The following MYRIP variants were observed in gnomAD, a reference collection of about 807,000 sequenced individuals.
MYRIP encodes the protein myosin VIIA and Rab interacting protein, also known as rab effector MyRIP.
MYRIP carries 49 observed loss-of-function variants against 98.0 expected under a neutral mutation model. The observed-to-expected ratio is 0.50, with a 90% CI of 0.40 to 0.63. MYRIP has a LOEUF of 0.63. Ranked by LOEUF, MYRIP falls within the 30% of genes least tolerant of loss-of-function variation. The probability of loss-of-function intolerance (pLI) is 0.00; values close to 1 mark genes in which losing one functional copy is unlikely to be tolerated. For synonymous variants in MYRIP, 404 were observed against 409.5 expected, an observed-to-expected ratio of 0.99 and a Z score of 0.16; for missense variants, 1,004 against 1,058.2, an observed-to-expected ratio of 0.95 and a Z score of 0.71.
intron 3 of MYRIP, among the ~76,000 whole-genome samples, chr3:40,051,126 C>A (rs912135579): frequency 1.2e-4 from 18 of 152,280 alleles, no homozygotes; most frequent in African/African-American, 3.8e-4. Context: ...TTGACTTCAA[C>A]TTTGAAAAAT....
At chr3:39,912,214 C>T (rs1944039135) in intron 2 of MYRIP, among the ~76,000 whole-genome samples, 1 of 152,134 alleles carries the variant, frequency 6.6e-6, no homozygotes, top group South Asian at 2.1e-4. Context: ...CTGGCTAATT[C>T]TTATACCTCA....
chr3:40,032,151 C>G (rs1459055627), intron 2 of MYRIP, among the ~76,000 whole-genome samples: 3 of 152,064 alleles, frequency 2.0e-5, no homozygotes, highest in Non-Finnish European at 2.9e-5. Context: ...CCTCTACACA[C>G]TGCTTTGAAT....
intron 1 of MYRIP, among the ~76,000 whole-genome samples, chr3:39,880,659 A>G (rs1445251839): frequency 3.3e-5 from 5 of 152,234 alleles, no homozygotes; most frequent in Non-Finnish European, 7.3e-5. Context: ...ATCTGCAAAT[A>G]ATAATTCTTT....
At chr3:39,810,168 C>T (rs1940622531) in intron 1 of MYRIP, among the ~76,000 whole-genome samples, 1 of 152,210 alleles carries the variant, frequency 6.6e-6, no homozygotes, top group Non-Finnish European at 1.5e-5. Flanking sequence ...TCTCTCGCTG[C>T]TGGGGTGGGA....
chr3:39,910,093 G>A (rs11720029), intron 2 of MYRIP, among the ~76,000 whole-genome samples: 21,207 of 151,982 alleles, frequency 0.14, 1,545 homozygotes, highest in Middle Eastern at 0.17. Flanking sequence ...ATTTCATCAT[G>A]TTGGTCAGGC....
At chr3:39,953,905 C>CT (rs1945090442) in intron 2 of MYRIP, among the ~76,000 whole-genome samples, 2 of 152,176 alleles carry the variant, frequency 1.3e-5, no homozygotes, top group Non-Finnish European at 2.9e-5. Context: ...TGGAGTCTCG[C>CT]TTACTGCTAG....
intron 11 of MYRIP, among the ~76,000 whole-genome samples, chr3:40,219,101 G>T (rs1052231068): frequency 2.0e-5 from 3 of 152,090 alleles, no homozygotes; most frequent in African/African-American, 7.2e-5. Context: ...AAATTATGTA[G>T]CACATGCTGG....
chr3:39,914,944 TG>T (rs1944117318), intron 2 of MYRIP, among the ~76,000 whole-genome samples: 2 of 152,086 alleles, frequency 1.3e-5, no homozygotes, highest in African/African-American at 4.8e-5. Context: ...CTTTGCAGCA[TG>T]ACACTTAGAT....
intron 1 of MYRIP, among the ~76,000 whole-genome samples, chr3:39,881,720 AC>A (rs1943159293): frequency 6.6e-6 from 1 of 152,016 alleles, no homozygotes; most frequent in South Asian, 2.1e-4. Flanking sequence ...TTTTTGGAGG[AC>A]CCTGGTGACT....
At chr3:39,810,047 C>G (rs940785924) in intron 1 of MYRIP, 131 bp downstream of exon 1, 1 of 152,382 alleles carries the variant, frequency 6.6e-6, no homozygotes, top group Non-Finnish European at 1.5e-5. Context: ...GCACCCTGTG[C>G]GCGTCCGGAG....
chr3:40,180,252 T>A (rs1950854405), intron 8 of MYRIP, among the ~76,000 whole-genome samples: 1 of 152,108 alleles, frequency 6.6e-6, no homozygotes, highest in Non-Finnish European at 1.5e-5. Flanking sequence ...TTTCTCTTAC[T>A]CCATAATTTT....
intron 2 of MYRIP, among the ~76,000 whole-genome samples, chr3:39,915,704 A>G (rs1944138695): frequency 6.6e-6 from 1 of 151,878 alleles, no homozygotes; most frequent in Admixed American, 6.6e-5. Context: ...TATCTCCTAA[A>G]TAGATGATTT....
At chr3:40,182,511 A>C in intron 9 of MYRIP, 138 bp downstream of exon 9, 1 of 951,088 alleles carries the variant, frequency 1.1e-6, no homozygotes, top group African/African-American at 1.7e-5. Context: ...CTACCAAGTC[A>C]TGAGGCCTCC....
chr3:39,894,377 A>C (rs1263487869), intron 1 of MYRIP, among the ~76,000 whole-genome samples: 7 of 152,194 alleles, frequency 4.6e-5, no homozygotes, highest in African/African-American at 1.7e-4. Context: ...AACTTTATAC[A>C]ATTGGGATCA....
chr3:39,948,497 CAA>C (rs909266467), intron 2 of MYRIP, among the ~76,000 whole-genome samples: 1 of 151,878 alleles, frequency 6.6e-6, no homozygotes, highest in Non-Finnish European at 1.5e-5. Context: ...AATTTAAAAA[CAA>C]AGAACTCATT....
chr3:40,165,209 C>A (rs1171155274), intron 5 of MYRIP, among the ~76,000 whole-genome samples: 2 of 152,182 alleles, frequency 1.3e-5, no homozygotes, highest in Non-Finnish European at 2.9e-5. Flanking sequence ...TGTGCAGAGC[C>A]CTGGGCTGGG....
At chr3:40,210,513 C>T (rs1951897299) in intron 11 of MYRIP, among the ~76,000 whole-genome samples, 1 of 152,176 alleles carries the variant, frequency 6.6e-6, no homozygotes, top group African/African-American at 2.4e-5. Context: ...AGTGATGAAG[C>T]TCTGCTCCAT....
At chr3:40,205,365 T>A (rs759472700) in intron 10 of MYRIP, among the ~76,000 whole-genome samples, 1 of 152,120 alleles carries the variant, frequency 6.6e-6, no homozygotes, top group Non-Finnish European at 1.5e-5. Context: ...TGGATCTACA[T>A]TCACCTTCCC....
intron 1 of MYRIP, among the ~76,000 whole-genome samples, chr3:39,867,275 T>G (rs1383668093): frequency 6.6e-6 from 1 of 152,104 alleles, no homozygotes; most frequent in Non-Finnish European, 1.5e-5. Flanking sequence ...TTAGCAATGA[T>G]TTTTTTCACA....
Sources: allele counts gnomAD v4.1 joint callset (sites outside exome capture counted in the v4.1 genomes callset), GRCh38; gene constraint gnomAD v4.1.1; transcripts MANE v1.5; gene names NCBI Gene and HGNC (gene_info 2026-07-23, HGNC 2026-07-21).